Variants in DACH2 observed in about 807,000 individuals in gnomAD.
The protein encoded by DACH2 is dachshund homolog 2.
A neutral mutation model predicts 35.8 loss-of-function variants in DACH2; 17 were observed. That is an observed-to-expected ratio of 0.48 (90% CI 0.33 to 0.71). DACH2 has a LOEUF of 0.71. Ranked by LOEUF, DACH2 falls within the 30% of genes least tolerant of loss-of-function variation. The pLI is 0.02. For missense variants in DACH2, 469 were observed against 472.7 expected, an observed-to-expected ratio of 0.99 and a Z score of 0.07; for synonymous variants, 195 against 177.3, an observed-to-expected ratio of 1.10 and a Z score of -0.79.
intron 2 of DACH2, among the ~76,000 whole-genome samples, chrX:86,474,242 C>T (rs1394445660): frequency 1.8e-5 from 2 of 111,777 alleles, no homozygotes; most frequent in African/African-American, 6.5e-5. Context: ...GTTGTTTGAG[C>T]TCCTTATATA....
At chrX:86,723,402 G>A (rs760072518) in intron 6 of DACH2, among the ~76,000 whole-genome samples, 16 of 106,436 alleles carry the variant, frequency 1.5e-4, no homozygotes, top group African/African-American at 4.8e-4. Flanking sequence ...TAATTTGTAA[G>A]CTTTCTACAT....
intron 2 of DACH2, among the ~76,000 whole-genome samples, chrX:86,424,494 T>C (rs1854070021): frequency 9.0e-6 from 1 of 111,436 alleles, no homozygotes; most frequent in Non-Finnish European, 1.9e-5. Flanking sequence ...ACTGTTGGCA[T>C]ATAAAAATGC....
At chrX:86,721,150 GC>G (rs1188853242) in intron 6 of DACH2, among the ~76,000 whole-genome samples, 1 of 112,325 alleles carries the variant, frequency 8.9e-6, no homozygotes, top group Non-Finnish European at 1.9e-5. Flanking sequence ...TCTCTTACAT[GC>G]CCTGGAGGCA....
chrX:86,469,844 G>T (rs946844361), intron 2 of DACH2, among the ~76,000 whole-genome samples: 1 of 98,906 alleles, frequency 1.0e-5, no homozygotes, highest in African/African-American at 4.0e-5. Context: ...GTGTGTGTTT[G>T]TGTGTGTGTG....
chrX:86,162,314 G>C (rs1285386718), intron 1 of DACH2, among the ~76,000 whole-genome samples: 1 of 110,801 alleles, frequency 9.0e-6, no homozygotes, highest in Non-Finnish European at 1.9e-5. Flanking sequence ...ACTAAATTTG[G>C]GTCATGTTAG....
intron 6 of DACH2, among the ~76,000 whole-genome samples, chrX:86,734,892 T>C (rs1306313479): frequency 8.9e-6 from 1 of 111,814 alleles, no homozygotes; most frequent in Non-Finnish European, 1.9e-5. Context: ...CAATTAAATA[T>C]GAAATATCAA....
chrX:86,231,100 A>G (rs999718718), intron 1 of DACH2, among the ~76,000 whole-genome samples: 1 of 112,072 alleles, frequency 8.9e-6, no homozygotes, highest in African/African-American at 3.2e-5. Context: ...CCTGTTTCAG[A>G]CTTTTTGATG....
chrX:86,624,053 AAC>A, intron 3 of DACH2, among the ~76,000 whole-genome samples: 1 of 69,778 alleles, frequency 1.4e-5, no homozygotes, highest in Non-Finnish European at 2.7e-5. Context: ...GTCTCAAAAA[AAC>A]AAAACAAAAA....
chrX:86,536,216 T>G (rs963981225), intron 3 of DACH2, among the ~76,000 whole-genome samples: 9 of 111,392 alleles, frequency 8.1e-5, no homozygotes, highest in African/African-American at 2.9e-4. Flanking sequence ...ATCTTCAATA[T>G]TATTCATCCA....
At chrX:86,693,412 A>G (rs2041031484) in intron 4 of DACH2, among the ~76,000 whole-genome samples, 1 of 111,409 alleles carries the variant, frequency 9.0e-6, no homozygotes, top group Admixed American at 9.6e-5. Flanking sequence ...ATCTAGTTGG[A>G]AGCTAGTCAA....
chrX:86,290,107 T>C (rs1462202822), intron 1 of DACH2, among the ~76,000 whole-genome samples: 1 of 87,167 alleles, frequency 1.1e-5, no homozygotes, highest in Admixed American at 1.4e-4. Context: ...TTTTAATGAT[T>C]GCCATTCTAA....
chrX:86,791,668 T>C (rs945831115), intron 7 of DACH2, among the ~76,000 whole-genome samples: 4 of 111,896 alleles, frequency 3.6e-5, no homozygotes, highest in Non-Finnish European at 7.5e-5. Context: ...AATGTTCATA[T>C]GACTTTCTGT....
At chrX:86,533,466 A>G (rs981818682) in intron 3 of DACH2, among the ~76,000 whole-genome samples, 1 of 111,584 alleles carries the variant, frequency 9.0e-6, no homozygotes, top group Non-Finnish European at 1.9e-5. Context: ...TGTAACCTAA[A>G]TAAACTTCTC....
At chrX:86,725,803 G>A (rs956148931) in intron 6 of DACH2, among the ~76,000 whole-genome samples, 3 of 111,405 alleles carry the variant, frequency 2.7e-5, no homozygotes, top group Non-Finnish European at 3.8e-5. Flanking sequence ...CCTGCAATTG[G>A]TTGTGGAGGC....
At chrX:86,162,541 T>A in intron 1 of DACH2, among the ~76,000 whole-genome samples, 1 of 111,029 alleles carries the variant, frequency 9.0e-6, no homozygotes, top group Middle Eastern at 4.6e-3. Context: ...GTGGTAAGAT[T>A]AATCAGATTA....
chrX:86,336,127 G>A (rs969364120), intron 1 of DACH2, among the ~76,000 whole-genome samples: 2 of 111,787 alleles, frequency 1.8e-5, no homozygotes, highest in African/African-American at 6.5e-5. Context: ...TAAGCTTTTT[G>A]ATGTGCTGTT....
intron 3 of DACH2, among the ~76,000 whole-genome samples, chrX:86,581,180 A>T (rs752458283): frequency 4.1e-4 from 46 of 111,908 alleles, no homozygotes; most frequent in African/African-American, 1.4e-3. Flanking sequence ...GCAAATGCTA[A>T]GGGCAATTTT....
chrX:86,470,350 A>G (rs2037743278), intron 2 of DACH2, among the ~76,000 whole-genome samples: 1 of 111,850 alleles, frequency 8.9e-6, no homozygotes, highest in Non-Finnish European at 1.9e-5. Context: ...AGAGTTTTAC[A>G]ATGGACAGGG....
At chrX:86,807,490 G>C (rs755513650) in intron 7 of DACH2, among the ~76,000 whole-genome samples, 118 of 111,577 alleles carry the variant, frequency 1.1e-3, no homozygotes, top group Non-Finnish European at 1.4e-3. Flanking sequence ...CAAGCAATCA[G>C]GCTCCAGTGT....
Sources: gnomAD v4.1 joint callset for allele counts (sites outside exome capture counted in the v4.1 genomes callset) on GRCh38, gnomAD v4.1.1 for gene constraint, MANE v1.5 for transcripts, NCBI Gene and HGNC (gene_info 2026-07-23, HGNC 2026-07-21) for gene names.